The following IARS2 variants were observed in gnomAD, a reference collection of about 807,000 sequenced individuals.
The protein encoded by IARS2 is isoleucyl-tRNA synthetase 2, mitochondrial, also known as isoleucine--tRNA ligase, mitochondrial.
In IARS2, 56 loss-of-function variants were observed where a neutral mutation model predicts 126.3. The observed-to-expected ratio is 0.44, with a 90% CI of 0.36 to 0.55. The LOEUF (loss-of-function observed/expected upper bound fraction) is 0.55, where lower values mean the gene tolerates loss of function less well. Among genes scored for constraint, IARS2 ranks in the 20% least tolerant of loss-of-function variants. The pLI is 0.00. For synonymous variants in IARS2, 407 were observed against 441.1 expected (o/e 0.92, Z 0.97); for missense variants, 1,127 against 1,245.9 (o/e 0.90, Z 1.44).
chr1:220,114,877 A>G (rs147672411), intron 12 of IARS2, among the ~76,000 whole-genome samples: 399 of 152,088 alleles, frequency 2.6e-3, no homozygotes, highest in African/African-American at 9.1e-3. Flanking sequence ...GTAGATACTT[A>G]AAATTTAAGA....
chr1:220,106,057 C>T lies in IARS2; in HGVS notation c.1233C>T (p.Pro411=), dbSNP rs1216381517. 1 of 1,610,440 alleles carries T rather than the reference C, an allele frequency of 6.2e-7. No homozygotes were observed. ...DYGVASQHNL[P]MDCLVDEDGV... The stretch of plus-strand genomic sequence containing the variant: ...GTGTAGCGTCTCAGCACAACCTGCC[C>T]ATGGTACTGTTCCTCTTTTATCATT... Residue 411 remains proline (P), a synonymous_variant, in exon 9 of 23, where the codon CCC becomes CCT. Transcript: ENST00000366922.
rs1657438720 is a variant in IARS2 at position 220,139,113 on chromosome 1, C to T, written c.2281C>T (p.His761Tyr). ...GTATGTCATAGACCAGTACATGCTA[C>T]ACTTACTGCAGGATTTGGCAAACAA... is the stretch of plus-strand genomic sequence containing the variant. ...DMYVIDQYML[H>Y]LLQDLANKIT... Residue 761 changes from histidine (H) to tyrosine (Y), a missense_variant, in exon 18 of 23, where the codon CAC becomes TAC. By Grantham distance (83) the His-to-Tyr change is moderately conservative. Transcript: ENST00000366922. 6.2e-7 allele frequency: 1 copy of T among 1,608,248 alleles called. No homozygotes were observed. The highest frequency in any genetic ancestry group is 1.3e-5 in the African/African-American group (1 of 74,764).
intron 11 of IARS2, among the ~76,000 whole-genome samples, chr1:220,114,081 A>G (rs1361236260): frequency 2.0e-5 from 3 of 152,124 alleles, no homozygotes; most frequent in African/African-American, 7.2e-5. Flanking sequence ...AATGCTCCTG[A>G]TATTATCACT....
intron 12 of IARS2, chr1:220,117,792 C>G: frequency 2.1e-6 from 1 of 473,234 alleles, no homozygotes; most frequent in Non-Finnish European, 4.3e-6. Flanking sequence ...GGTAGTGTTA[C>G]AGATTATCTT....
rs1657387542 is a variant in IARS2 at position 220,136,847 on chromosome 1, G to T, written c.1985G>T (p.Gly662Val). The T allele has an allele frequency of 2.5e-6, 4 of 1,611,774 alleles. No homozygotes were observed. Among genetic ancestry groups the T allele is most frequent in the Non-Finnish European group, 3.4e-6 (4 of 1,178,274 alleles). The change falls in exon 16 of 23, where the codon GGA becomes GTA. Residue 662 changes from glycine (G) to valine (V), a missense_variant. Gly to Val is a moderately radical substitution (Grantham distance 109, BLOSUM62 -3). Coordinates refer to ENST00000366922, the MANE Select transcript of IARS2 (RefSeq NM_018060.4). ...IVHGFTLGEK[G>V]EKMSKSLGNV... ...CATGGATTTACCCTTGGAGAAAAGGGAGAAAAGATGTCCAAGTCTCTTGGG... is the reference window on the plus strand; with the variant it reads ...CATGGATTTACCCTTGGAGAAAAGGTAGAAAAGATGTCCAAGTCTCTTGGG...
At position 220,134,475 on chromosome 1, in the gene IARS2, A is replaced by G. The variant is rs1224528978; in HGVS notation, c.1911A>G (p.Leu637=). 6.2e-7 allele frequency: 1 copy of G among 1,613,530 alleles called. No individual in the cohort carries two copies. Among genetic ancestry groups the G allele is most frequent in the Non-Finnish European group, 8.5e-7 (1 of 1,179,748 alleles). ...QLGGWFQSSL[L]TSVAARKRAP... ...GGGGTTGGTTTCAGTCATCCTTATT[A>G]ACAAGTGTGGCAGCAAGGAAGAGAG... is the stretch of plus-strand genomic sequence containing the variant. Residue 637 remains leucine, a synonymous_variant, in exon 15 of 23, where the codon TTA becomes TTG. Coordinates refer to ENST00000366922, the MANE Select transcript of IARS2 (RefSeq NM_018060.4).
rs377178843 is a variant in IARS2, at chr1:220,140,191, A to G, written c.2316A>G (p.Glu772=). 2.6e-5 allele frequency: 42 copies of G among 1,606,616 alleles called. No homozygotes were observed. The highest frequency in any genetic ancestry group is 3.0e-5 in the Non-Finnish European group (35 of 1,173,598). ...TTGGCTTTGTTCCCTAGATTACCGA[A>G]TTATACAAACAATATGATTTTGGAA... ...LLQDLANKIT[E]LYKQYDFGKV... The change falls in exon 19 of 23, where the codon GAA becomes GAG. Residue 772 remains glutamate, a synonymous_variant. Coordinates refer to ENST00000366922, the MANE Select transcript of IARS2 (RefSeq NM_018060.4).
intron 21 of IARS2, among the ~76,000 whole-genome samples, 191 bp from the exon 22 acceptor site, chr1:220,145,318 G>C (rs1334587840): frequency 6.6e-6 from 1 of 152,166 alleles, no homozygotes. Context: ...AATAAATACT[G>C]TTGATGGAAA....
At chr1:220,117,820 C>T (rs1283364399) in intron 12 of IARS2, 2 of 510,020 alleles carry the variant, frequency 3.9e-6, no homozygotes, top group African/African-American at 1.9e-5. Flanking sequence ...CCTGCCATTG[C>T]GTTGGTTGCG....
At chr1:220,118,431 A>G (rs115660502) in intron 12 of IARS2, among the ~76,000 whole-genome samples, 5,594 of 151,728 alleles carry the variant, frequency 0.037, 199 homozygotes, top group Middle Eastern at 0.065. Flanking sequence ...TCATATTTGT[A>G]TTTTATCAAG....
chr1:220,102,911 T>C (rs1656607459), intron 7 of IARS2, 134 bp downstream of exon 7: 9 of 634,154 alleles, frequency 1.4e-5, no homozygotes, highest in Admixed American at 2.7e-5. Flanking sequence ...TATGTTCATA[T>C]AGATTTTATT....
chr1:220,102,318 C>T (rs376610134), intron 4 of IARS2, 41 bp downstream of exon 4: 15 of 1,606,790 alleles, frequency 9.3e-6, no homozygotes, highest in African/African-American at 8.1e-5. Context: ...TTTTAGTATG[C>T]GTTACAAGAT....
In IARS2 at chr1:220,126,682, G is replaced by A; in HGVS notation, c.1744-68G>A. ...GCATTTCATTTTCTGAAGACTTTTG[G>A]GGTACAGTATTTGTTGTCTATATTG... On this transcript the variant is annotated intron_variant, in intron 13 of 22. Transcript: ENST00000366922. The A allele has an allele frequency of 3.7e-6, 4 of 1,086,050 alleles. No homozygotes were observed. The Admixed American group carries it at 8.9e-5, about 24-fold the overall frequency. 67.3% of individuals were successfully genotyped at this position (1,086,050 alleles called of 1,614,324 possible).
intron 11 of IARS2, among the ~76,000 whole-genome samples, chr1:220,113,637 A>ATATAGAGAGAGAGAGAGATTTATTT (rs1553268849): frequency 2.0e-5 from 3 of 151,754 alleles, no homozygotes; most frequent in African/African-American, 7.3e-5. Context: ...ATATATATAT[A>ATATAGAGAGAGAGAGAGATTTATTT]TAGAGAGAGA....
intron 14 of IARS2, among the ~76,000 whole-genome samples, chr1:220,133,253 G>A (rs1336525331): frequency 6.6e-6 from 1 of 151,944 alleles, no homozygotes; most frequent in Admixed American, 6.6e-5. Context: ...GGATTTGCCA[G>A]CCTCCACCTC....
intron 15 of IARS2, among the ~76,000 whole-genome samples, chr1:220,136,397 G>A (rs953503140): frequency 2.8e-4 from 42 of 152,190 alleles, no homozygotes; most frequent in Non-Finnish European, 5.1e-4. Context: ...CTCCCAGAGT[G>A]TTGGGATTAC....
chr1:220,138,607 A>G (rs1451056292), intron 17 of IARS2, among the ~76,000 whole-genome samples: 4 of 151,718 alleles, frequency 2.6e-5, no homozygotes, highest in African/African-American at 7.3e-5. Flanking sequence ...AGTATAGATT[A>G]TATTAATTTT....
intron 3 of IARS2, 35 bp from the exon 4 acceptor site, chr1:220,102,094 G>C (rs1448071227): frequency 6.4e-7 from 1 of 1,567,076 alleles, no homozygotes; most frequent in African/African-American, 1.4e-5. Flanking sequence ...CGAATTCATT[G>C]GTTTTTTAAA....
rs781418652 is a variant in IARS2, at chr1:220,137,919, A to C, written c.2051A>C (p.Asp684Ala). 11 of 1,614,038 alleles carry C rather than the reference A, an allele frequency of 6.8e-6. No individual in the cohort carries two copies. Among genetic ancestry groups the C allele is most frequent in the Non-Finnish European group, 9.3e-6 (11 of 1,179,990 alleles). Residue 684 changes from aspartate to alanine, a missense_variant and splice_region_variant, in exon 17 of 23, where the codon GAT (aspartate) becomes GCT (alanine). By Grantham distance (126) the Asp-to-Ala change is moderately radical (BLOSUM62 -2). Coordinates refer to ENST00000366922, the MANE Select transcript of IARS2 (RefSeq NM_018060.4). ...HPDVVVNGGQDQSKEPPYGAD... is the reference protein window; with the variant it reads ...HPDVVVNGGQAQSKEPPYGAD... The stretch of plus-strand genomic sequence containing the variant: ...ATATATTTTTTTCTCAATGAAAAGG[A>C]TCAAAGCAAAGAGCCTCCGTATGGT...
Sources: allele counts gnomAD v4.1 joint callset (sites outside exome capture counted in the v4.1 genomes callset), GRCh38; gene constraint gnomAD v4.1.1; transcripts MANE v1.5; gene names NCBI Gene and HGNC (gene_info 2026-07-23, HGNC 2026-07-21).